GRM8: variants seen among roughly 807,000 people sequenced by gnomAD.
The protein encoded by GRM8 is metabotropic glutamate receptor 8.
GRM8 carries 47 observed loss-of-function variants against 87.2 expected under a neutral mutation model. That is an observed-to-expected ratio of 0.54 (90% confidence interval 0.43 to 0.69). The LOEUF (loss-of-function observed/expected upper bound fraction) is 0.69. Among genes scored for constraint, GRM8 ranks in the 30% least tolerant of loss-of-function variants. The pLI, the probability that GRM8 is intolerant of heterozygous loss-of-function variation, is 0.00. For synonymous variants in GRM8, 396 were observed against 404.5 expected, an observed-to-expected ratio of 0.98 and a Z score of 0.25; for missense variants, 1,019 against 1,139.2, an observed-to-expected ratio of 0.89 and a Z score of 1.52.
intron 3 of GRM8, among the ~76,000 whole-genome samples, chr7:126,974,697 G>A (rs1410514515): frequency 6.6e-6 from 1 of 152,094 alleles, no homozygotes; most frequent in Non-Finnish European, 1.5e-5. Flanking sequence ...CACTTTGGGA[G>A]GCTAGATGGG....
chr7:126,911,542 A>G (rs530812546), intron 3 of GRM8, among the ~76,000 whole-genome samples: 14 of 152,334 alleles, frequency 9.2e-5, no homozygotes, highest in African/African-American at 3.1e-4. Context: ...CATTTGTGCT[A>G]CCTTTTTAAG....
chr7:126,878,544 G>A (rs1200610670), intron 6 of GRM8, among the ~76,000 whole-genome samples: 1 of 135,942 alleles, frequency 7.4e-6, no homozygotes, highest in Non-Finnish European at 1.5e-5. Flanking sequence ...TTTTGAGACA[G>A]AGTCTTGCTC....
At chr7:127,015,138 A>G (rs539471983) in intron 3 of GRM8, among the ~76,000 whole-genome samples, 3 of 142,060 alleles carry the variant, frequency 2.1e-5, no homozygotes, top group African/African-American at 8.1e-5. Context: ...AAGGAGAAGG[A>G]AGAAGGAAGA....
chr7:126,821,866 G>T (rs1276958738), intron 6 of GRM8, among the ~76,000 whole-genome samples: 1 of 152,030 alleles, frequency 6.6e-6, no homozygotes, highest in Non-Finnish European at 1.5e-5. Flanking sequence ...CCAGGATCCA[G>T]TCCAGAATCC....
chr7:126,650,705 T>C (rs1803727277), intron 7 of GRM8, among the ~76,000 whole-genome samples: 1 of 151,574 alleles, frequency 6.6e-6, no homozygotes, highest in Admixed American at 6.6e-5. Flanking sequence ...GATATTTGTA[T>C]CCCAAGTGAG....
intron 2 of GRM8, among the ~76,000 whole-genome samples, chr7:127,153,517 G>C (rs189352725): frequency 1.8e-4 from 28 of 152,250 alleles, no homozygotes; most frequent in Non-Finnish European, 2.8e-4. Context: ...GTAGTAGAAA[G>C]TCATTTTTTG....
At chr7:126,514,657 A>T (rs2150760622) in intron 9 of GRM8, among the ~76,000 whole-genome samples, 1 of 152,174 alleles carries the variant, frequency 6.6e-6, no homozygotes, top group East Asian at 1.9e-4. Context: ...AACATTTTAC[A>T]CCCAAGAAAA....
At chr7:127,054,977 C>T (rs145781164) in intron 3 of GRM8, among the ~76,000 whole-genome samples, 276 of 151,694 alleles carry the variant, frequency 1.8e-3, no homozygotes, top group African/African-American at 6.4e-3. Context: ...TATGAACCAA[C>T]CATATGGTAT....
At chr7:126,563,370 G>C (rs1343363676) in intron 8 of GRM8, among the ~76,000 whole-genome samples, 1 of 151,784 alleles carries the variant, frequency 6.6e-6, no homozygotes, top group Non-Finnish European at 1.5e-5. Context: ...AGAAATTGTA[G>C]TGTAACAGAA....
chr7:126,923,878 T>A (rs1361672408), intron 3 of GRM8, among the ~76,000 whole-genome samples: 3 of 152,170 alleles, frequency 2.0e-5, no homozygotes, highest in Non-Finnish European at 2.9e-5. Context: ...CTTGGCAAAG[T>A]CTGAACTAAC....
intron 3 of GRM8, among the ~76,000 whole-genome samples, chr7:126,980,686 A>G (rs143958703): frequency 4.2e-4 from 64 of 152,314 alleles, no homozygotes; most frequent in Non-Finnish European, 8.8e-4. Context: ...CCACCTCCTC[A>G]GCTCCTTAAC....
intron 7 of GRM8, among the ~76,000 whole-genome samples, chr7:126,727,867 C>G (rs1813182882): frequency 6.6e-6 from 1 of 152,130 alleles, no homozygotes; most frequent in African/African-American, 2.4e-5. Flanking sequence ...CTGGGCATTA[C>G]AGCCAGCTGG....
intron 6 of GRM8, among the ~76,000 whole-genome samples, chr7:126,798,096 T>C (rs192285580): frequency 1.4e-4 from 21 of 152,214 alleles, no homozygotes; most frequent in African/African-American, 3.9e-4. Flanking sequence ...TTCTTTCCCA[T>C]ATTTACACGT....
chr7:126,997,887 A>G (rs1813340467), intron 3 of GRM8, among the ~76,000 whole-genome samples: 1 of 151,840 alleles, frequency 6.6e-6, no homozygotes, highest in Non-Finnish European at 1.5e-5. Context: ...TACTCAAACT[A>G]TTTCAAAAAT....
In GRM8 at chr7:126,718,462, T is replaced by A. The variant is rs145096387; in HGVS notation, c.1357+51403A>T. ...ATTTCATATCCTGGGGTGAGTTATTTGCAAGAATTTGTAGTGATGAGCTTT... is the reference window on the plus strand; with the variant it reads ...ATTTCATATCCTGGGGTGAGTTATTAGCAAGAATTTGTAGTGATGAGCTTT... On this transcript the variant is annotated intron_variant, in intron 7 of 10. Coordinates refer to ENST00000339582, the MANE Select transcript of GRM8 (RefSeq NM_000845.3). 2.8e-3 allele frequency among the ~76,000 whole-genome samples: 428 copies of A among 152,264 alleles called. 7 individuals are homozygous for A. The highest frequency in any genetic ancestry group is 9.8e-3 in the African/African-American group (407 of 41,554).
rs531751306 is a variant in GRM8 at position 126,946,135 on chromosome 7, G to C, written c.728-41452C>G. ...TGAAATGTTGATGTGCCAACTACAA[G>C]GTTAGGTCTCAAGAGACTGTCATGG... On this transcript the variant is annotated intron_variant, in intron 3 of 10. Coordinates refer to ENST00000339582, the MANE Select transcript of GRM8 (RefSeq NM_000845.3). Among the ~76,000 whole-genome samples, 20 of 152,332 alleles carry C rather than the reference G, an allele frequency of 1.3e-4. No individual in the cohort carries two copies. In the Middle Eastern group the frequency reaches 0.017, roughly 130 times the overall value.
intron 6 of GRM8, among the ~76,000 whole-genome samples, chr7:126,812,012 C>T (rs1257706806): frequency 6.6e-6 from 1 of 151,802 alleles, no homozygotes; most frequent in Non-Finnish European, 1.5e-5. Context: ...TGAAAAGTTA[C>T]TTAATAGGTA....
In GRM8 at chr7:127,103,638, A is replaced by G. The variant is rs1445176684; in HGVS notation, c.727+2858T>C. On this transcript the variant is annotated intron_variant, in intron 3 of 10. Coordinates refer to ENST00000339582, the MANE Select transcript of GRM8 (RefSeq NM_000845.3). Reference sequence around the variant, plus strand: ...AAACTAAGGATAAAATAAACACCCTATGATTTGAAATAATCATGTGTCTAT... The same window carrying G: ...AAACTAAGGATAAAATAAACACCCTGTGATTTGAAATAATCATGTGTCTAT... Among the ~76,000 whole-genome samples, 4 of 152,230 alleles carry G rather than the reference A, an allele frequency of 2.6e-5. No individual in the cohort carries two copies. The South Asian group carries it at 8.3e-4, about 32-fold the overall frequency.
intron 2 of GRM8, among the ~76,000 whole-genome samples, chr7:127,188,101 C>T (rs1269217119): frequency 2.0e-5 from 3 of 152,172 alleles, no homozygotes; most frequent in African/African-American, 7.2e-5. Flanking sequence ...CTTTGACATG[C>T]AATAGCAGTT....
Sources: gnomAD v4.1 joint callset for allele counts (sites outside exome capture counted in the v4.1 genomes callset) on GRCh38, gnomAD v4.1.1 for gene constraint, MANE v1.5 for transcripts, NCBI Gene and HGNC (gene_info 2026-07-23, HGNC 2026-07-21) for gene names.